The following SHISA9 variants were observed in gnomAD, a reference collection of about 807,000 sequenced individuals.
SHISA9 encodes protein shisa-9.
SHISA9 carries 13 observed loss-of-function variants against 38.0 expected under a neutral mutation model. The observed-to-expected ratio is 0.34, with a 90% CI of 0.22 to 0.54. The LOEUF (loss-of-function observed/expected upper bound fraction) is 0.54. Among genes scored for constraint, SHISA9 ranks in the 20% least tolerant of loss-of-function variants. The pLI is 0.91. For synonymous variants in SHISA9, 275 were observed against 242.0 expected (o/e 1.14, Z -1.27); for missense variants, 538 against 575.8 (o/e 0.93, Z 0.67).
the SHISA9 span, among the ~76,000 whole-genome samples, chr16:13,300,318 A>G: frequency 6.6e-6 from 1 of 152,112 alleles, no homozygotes. Flanking sequence ...CTCCCCTGGA[A>G]CGAGAATCAA....
At chr16:13,028,258 G>A (rs968381818) in intron 2 of SHISA9, among the ~76,000 whole-genome samples, 2 of 152,082 alleles carry the variant, frequency 1.3e-5, no homozygotes, top group Admixed American at 1.3e-4. Flanking sequence ...TCTATCATTG[G>A]GTTCTATTTA....
intron 2 of SHISA9, among the ~76,000 whole-genome samples, chr16:12,968,923 T>C (rs1375321589): frequency 3.3e-5 from 5 of 151,914 alleles, no homozygotes; most frequent in African/African-American, 9.7e-5. Context: ...TCCCAACAAT[T>C]TGGGAGGCCG....
chr16:13,543,864 C>T, the SHISA9 span, among the ~76,000 whole-genome samples: 1 of 152,192 alleles, frequency 6.6e-6, no homozygotes, highest in African/African-American at 2.4e-5. Context: ...GAAAGCCCTC[C>T]AGATTAAAGA....
intron 2 of SHISA9, among the ~76,000 whole-genome samples, chr16:13,007,352 A>G (rs944080921): frequency 4.6e-5 from 7 of 151,330 alleles, no homozygotes; most frequent in Admixed American, 1.3e-4. Context: ...CCAACCTCCC[A>G]CCCCCAATAG....
chr16:13,416,514 A>T, the SHISA9 span, among the ~76,000 whole-genome samples: 1 of 152,162 alleles, frequency 6.6e-6, no homozygotes, highest in Non-Finnish European at 1.5e-5. Context: ...GGGTACTTAG[A>T]TTCACAAGTT....
intron 2 of SHISA9, among the ~76,000 whole-genome samples, chr16:13,195,952 G>T (rs1296018989): frequency 2.6e-5 from 4 of 151,838 alleles, no homozygotes; most frequent in African/African-American, 9.7e-5. Context: ...GCCAGGTGTG[G>T]TGGTGTGTGC....
chr16:13,198,431 C>T (rs1418814843), intron 2 of SHISA9, among the ~76,000 whole-genome samples: 1 of 151,950 alleles, frequency 6.6e-6, no homozygotes, highest in African/African-American at 2.4e-5. Context: ...CATATATACA[C>T]ACACGTACAC....
intron 2 of SHISA9, among the ~76,000 whole-genome samples, chr16:12,941,182 T>C (rs2071605932): frequency 1.3e-5 from 2 of 152,164 alleles, no homozygotes; most frequent in South Asian, 2.1e-4. Flanking sequence ...TGAAATGCTG[T>C]CTCCACTAAA....
At chr16:13,041,578 T>C (rs190442772) in intron 2 of SHISA9, among the ~76,000 whole-genome samples, 40 of 152,340 alleles carry the variant, frequency 2.6e-4, no homozygotes, top group Non-Finnish European at 4.6e-4. Flanking sequence ...ACCCTCTGAT[T>C]TATTTTGTGT....
the SHISA9 span, among the ~76,000 whole-genome samples, chr16:13,252,008 A>C: frequency 1.3e-4 from 20 of 152,322 alleles, no homozygotes; most frequent in South Asian, 2.5e-3. Context: ...AGAATTCTGC[A>C]ACAATGCATA....
At chr16:13,433,014 T>G in the SHISA9 span, among the ~76,000 whole-genome samples, 1 of 151,814 alleles carries the variant, frequency 6.6e-6, no homozygotes, top group Non-Finnish European at 1.5e-5. Flanking sequence ...CAAACCCCCA[T>G]GACACAAGTT....
At chr16:12,965,577 T>C (rs527574631) in intron 2 of SHISA9, among the ~76,000 whole-genome samples, 1 of 152,334 alleles carries the variant, frequency 6.6e-6, no homozygotes, top group African/African-American at 2.4e-5. Context: ...AAAAAATTAA[T>C]GGGTCTGGCT....
At chr16:13,146,513 T>A (rs2050448738) in intron 2 of SHISA9, among the ~76,000 whole-genome samples, 1 of 152,216 alleles carries the variant, frequency 6.6e-6, no homozygotes, top group African/African-American at 2.4e-5. Flanking sequence ...CCTTTCTTTG[T>A]GTTACAGACA....
At chr16:13,216,806 C>T (rs1366585397) in intron 4 of SHISA9, among the ~76,000 whole-genome samples, 3 of 152,088 alleles carry the variant, frequency 2.0e-5, no homozygotes, top group Admixed American at 1.3e-4. Flanking sequence ...AGTGTGTCTG[C>T]CAGGACAGGA....
the SHISA9 span, among the ~76,000 whole-genome samples, chr16:13,542,439 A>AG: frequency 6.6e-6 from 1 of 152,180 alleles, no homozygotes; most frequent in Admixed American, 6.5e-5. Flanking sequence ...TTCATTGTAT[A>AG]GGTGAGGGAG....
chr16:12,997,572 AATTTTTGT>A (rs2072473847), intron 2 of SHISA9, among the ~76,000 whole-genome samples: 1 of 151,854 alleles, frequency 6.6e-6, no homozygotes, highest in Non-Finnish European at 1.5e-5. Flanking sequence ...AAACCTGGCT[AATTTTTGT>A]ATTTTTGTAG....
At chr16:12,978,451 C>T (rs1223737259) in intron 2 of SHISA9, among the ~76,000 whole-genome samples, 1 of 152,160 alleles carries the variant, frequency 6.6e-6, no homozygotes, top group Non-Finnish European at 1.5e-5. Flanking sequence ...TAATTATTCT[C>T]CATGTAGATG....
chr16:12,908,691 C>T, intron 1 of SHISA9: 2 of 1,512,440 alleles, frequency 1.3e-6, no homozygotes, highest in Non-Finnish European at 1.8e-6. Flanking sequence ...AACAACAGCT[C>T]ATGCATCGGG....
chr16:13,413,864 T>C, the SHISA9 span, among the ~76,000 whole-genome samples: 1 of 151,618 alleles, frequency 6.6e-6, no homozygotes, highest in Non-Finnish European at 1.5e-5. Flanking sequence ...ATCAGCTAGT[T>C]GCTATTGTGG....
Sources: gnomAD v4.1 joint callset for allele counts (sites outside exome capture counted in the v4.1 genomes callset) on GRCh38, gnomAD v4.1.1 for gene constraint, MANE v1.5 for transcripts, NCBI Gene and HGNC (gene_info 2026-07-23, HGNC 2026-07-21) for gene names.